Variants in ARID5A observed in about 807,000 individuals in gnomAD.
ARID5A encodes AT-rich interactive domain-containing protein 5A.
Under a neutral mutation model 30.5 loss-of-function variants are expected in ARID5A, and 14 were observed. That is an observed-to-expected ratio of 0.46 (90% CI 0.30 to 0.72). The LOEUF is 0.72. Among genes scored for constraint, ARID5A ranks in the 30% least tolerant of loss-of-function variants. The pLI is 0.07. For synonymous variants in ARID5A, 338 were observed against 340.4 expected (o/e 0.99, Z 0.08); for missense variants, 669 against 786.2 (o/e 0.85, Z 1.78).
rs1370220617 is a variant in ARID5A, at chr2:96,537,016, C to T, written c.4+186C>T. 1.3e-5 allele frequency among the ~76,000 whole-genome samples: 2 copies of T among 152,062 alleles called. No individual in the cohort carries two copies. The highest frequency in any genetic ancestry group is 2.9e-5 in the Non-Finnish European group (2 of 67,998). ...GAGCCCGGCCCGCGGCTTCAGCGCT[C>T]CCCGGCCGGCGCGGAAGGGGTGAGG... On this transcript the variant is annotated intron_variant, in intron 1 of 6. Coordinates refer to ENST00000357485, the MANE Select transcript of ARID5A (RefSeq NM_212481.3). This position sits in a 1 kb window ranked among gnomAD's most constrained non-coding sequence, Gnocchi z 4.8.
Position 96,549,690 on chromosome 2 carries a change from G to A in ARID5A, c.260-63G>A. 3.1e-6 allele frequency: 5 copies of A among 1,606,424 alleles called. 1 individual carries two copies. The South Asian group carries it at 5.5e-5, about 18-fold the overall frequency. The stretch of plus-strand genomic sequence containing the variant: ...CCTGGCCTGTCAGGGCACCAGGAAG[G>A]GGTGGCATGCTGTCCCCACCTCCCA... On this transcript the variant is annotated intron_variant, in intron 3 of 6. Coordinates refer to ENST00000357485, the MANE Select transcript of ARID5A (RefSeq NM_212481.3). This position sits in a 1 kb window ranked among gnomAD's most constrained non-coding sequence, Gnocchi z 6.1.
chr2:96,543,504 CATT>C (rs1160302686), intron 1 of ARID5A, among the ~76,000 whole-genome samples: 2 of 152,176 alleles, frequency 1.3e-5, no homozygotes, highest in East Asian at 1.9e-4. Flanking sequence ...CAAACTTTTT[CATT>C]ATTATATCTG....
chr2:96,540,749 T>C (rs1230130084), intron 1 of ARID5A, among the ~76,000 whole-genome samples: 1 of 152,220 alleles, frequency 6.6e-6, no homozygotes, highest in Non-Finnish European at 1.5e-5. Context: ...GTTTTTTGTT[T>C]GTTTGTTTGT....
At chr2:96,540,594 A>G (rs1000175742) in intron 1 of ARID5A, among the ~76,000 whole-genome samples, 3 of 152,264 alleles carry the variant, frequency 2.0e-5, no homozygotes, top group African/African-American at 7.2e-5. Flanking sequence ...GGGGCTTTTT[A>G]AGAAGGAACT....
Position 96,550,391 on chromosome 2 carries a change from C to A in ARID5A, c.410+106C>A. ...CTCTGCCCGGAGCGGGCAGGGTATG[C>A]GCCGTCCTCAGAGCTGCGGGAGCCC... On this transcript the variant is annotated intron_variant, in intron 5 of 6. Transcript: ENST00000357485. This position sits in a 1 kb window ranked among gnomAD's most constrained non-coding sequence, Gnocchi z 6.6. 1 of 1,432,332 alleles carries A rather than the reference C, an allele frequency of 7.0e-7. No individual in the cohort carries two copies. 88.7% of individuals were successfully genotyped at this position (1,432,332 alleles called of 1,614,324 possible).
chr2:96,536,983 A>T (rs1292838942), intron 1 of ARID5A, among the ~76,000 whole-genome samples, 153 bp downstream of exon 1: 3 of 151,646 alleles, frequency 2.0e-5, no homozygotes. Flanking sequence ...GCGCGGGCCA[A>T]GGGGAGCGAG....
In ARID5A at chr2:96,550,373, C is replaced by G. The variant is rs142129013; in HGVS notation, c.410+88C>G. ...CCGGGAGGGCCGGGTGGACTCTGCC[C>G]GGAGCGGGCAGGGTATGCGCCGTCC... On this transcript the variant is annotated intron_variant, in intron 5 of 6. Transcript: ENST00000357485. This position sits in a 1 kb window ranked among gnomAD's most constrained non-coding sequence, Gnocchi z 6.6. 12 of 1,428,060 alleles carry G rather than the reference C, an allele frequency of 8.4e-6. No individual in the cohort carries two copies. The East Asian group carries it at 2.3e-4, about 28-fold the overall frequency. 88.5% of individuals were successfully genotyped at this position (1,428,060 alleles called of 1,614,324 possible).
chr2:96,544,222 C>T (rs2065888748), intron 1 of ARID5A, among the ~76,000 whole-genome samples: 1 of 152,234 alleles, frequency 6.6e-6, no homozygotes, highest in Non-Finnish European at 1.5e-5. Context: ...GGTGTAGAAG[C>T]TGCAGCAATT....
rs1252707016 is a variant in ARID5A at position 96,537,143 on chromosome 2, C to G, written c.4+313C>G. On this transcript the variant is annotated intron_variant, in intron 1 of 6. Coordinates refer to ENST00000357485, the MANE Select transcript of ARID5A (RefSeq NM_212481.3). This position sits in a 1 kb window ranked among gnomAD's most constrained non-coding sequence, Gnocchi z 4.8. ...CGAAACTCTTTTCGCCGTCTCTTGC[C>G]TGAAATATGCCGAGCCCGGTACGGC... Among the ~76,000 whole-genome samples, 1 of 152,226 alleles carries G rather than the reference C, an allele frequency of 6.6e-6. No individual in the cohort carries two copies. The highest frequency in any genetic ancestry group is 1.5e-5 in the Non-Finnish European group (1 of 68,038).
chr2:96,547,349 C>G (rs2065946489), intron 1 of ARID5A, 53 bp from the exon 2 acceptor site: 1 of 1,494,916 alleles, frequency 6.7e-7, no homozygotes, highest in African/African-American at 1.4e-5. Flanking sequence ...GCTTGCATCT[C>G]ATATGCTCTC....
At chr2:96,543,532 G>T (rs1447213568) in intron 1 of ARID5A, among the ~76,000 whole-genome samples, 1 of 152,030 alleles carries the variant, frequency 6.6e-6, no homozygotes, top group Non-Finnish European at 1.5e-5. Context: ...GGTGATCTGT[G>T]ATCAGTGATC....
At position 96,551,728 on chromosome 2, in the gene ARID5A, T is replaced by C. The variant is rs138657762; in HGVS notation, c.1200T>C (p.His400=). The C allele has an allele frequency of 1.3e-5, 19 of 1,518,562 alleles. No homozygotes were observed. Among genetic ancestry groups the C allele is most frequent in the Non-Finnish European group, 1.7e-5 (19 of 1,135,414 alleles). 94.1% of individuals were successfully genotyped at this position (1,518,562 alleles called of 1,614,324 possible). ...ACGCTAACCGCCCTTCTGCGTTCCA[T>C]AAAGGTGGCTCCAGAAAGGGCATCC... is the stretch of plus-strand genomic sequence containing the variant. ...GGDANRPSAF[H]KGGSRKGILY... The change falls in exon 7 of 7, where the codon CAT becomes CAC. Residue 400 remains histidine (H), a synonymous_variant. Coordinates refer to ENST00000357485, the MANE Select transcript of ARID5A (RefSeq NM_212481.3).
rs1461094186 is a variant in ARID5A at position 96,548,808 on chromosome 2, G to T, written c.121-513G>T. On this transcript the variant is annotated intron_variant, in intron 2 of 6. Transcript: ENST00000357485. The stretch of plus-strand genomic sequence containing the variant: ...AGCTTCACCTCCCTGTGCTCAGCAC[G>T]GCAGGCTGGGGCCACACAGAGGCTC... Among the ~76,000 whole-genome samples, 8 of 152,198 alleles carry T rather than the reference G, an allele frequency of 5.3e-5. No individual in the cohort carries two copies. In the South Asian group the frequency reaches 1.0e-3, roughly 20 times the overall value.
Position 96,549,491 on chromosome 2 carries a change from G to A in ARID5A, c.259+32G>A, listed in dbSNP as rs2065987729. 6.2e-7 allele frequency: 1 copy of A among 1,602,576 alleles called. No homozygotes were observed. The highest frequency in any genetic ancestry group is 1.3e-5 in the African/African-American group (1 of 74,376). ...CCCTGGGGTGCAGGCAGGGAGGGGG[G>A]CCCAGCAGGGGACCCCGCCCAGGCA... On this transcript the variant is annotated intron_variant, in intron 3 of 6. Transcript: ENST00000357485. The surrounding 1 kb of genome is among the most constrained non-coding windows in gnomAD (Gnocchi z 6.1).
At chr2:96,546,849 A>G (rs181595343) in intron 1 of ARID5A, among the ~76,000 whole-genome samples, 1 of 152,354 alleles carries the variant, frequency 6.6e-6, no homozygotes, top group East Asian at 1.9e-4. Context: ...GGCCACAGCC[A>G]TGGGATCCTT....
intron 6 of ARID5A, 96 bp from the exon 7 acceptor site, chr2:96,551,002 CG>C (rs2066028545): frequency 7.2e-7 from 1 of 1,395,080 alleles, no homozygotes; most frequent in Non-Finnish European, 9.8e-7. Context: ...CAGGGGCTGG[CG>C]GGGGACCTGG....
intron 1 of ARID5A, 23 bp from the exon 2 acceptor site, chr2:96,547,379 A>C (rs768348806): frequency 8.8e-6 from 14 of 1,599,874 alleles, no homozygotes; most frequent in Non-Finnish European, 1.1e-5. Flanking sequence ...CTTCCTCCTT[A>C]CTCCTTCCCT....
chr2:96,551,932 G>A lies in ARID5A; in HGVS notation c.1404G>A (p.Glu468=). 6.6e-7 allele frequency: 1 copy of A among 1,524,084 alleles called. No individual in the cohort carries two copies. The highest frequency in any genetic ancestry group is 1.3e-5 in the South Asian group (1 of 77,288). The allele number at this position is 1,524,084 out of a possible 1,614,324, so 94.4% of individuals were successfully genotyped here. Residue 468 remains glutamate, a synonymous_variant, in exon 7 of 7, where the codon GAG becomes GAA. Coordinates refer to ENST00000357485, the MANE Select transcript of ARID5A (RefSeq NM_212481.3). The part of the protein sequence containing the change: ...RLRAVSPFLK[E]ADAKKCGAKP... ...GGGCCGTGTCTCCCTTTCTTAAGGA[G>A]GCGGATGCCAAGAAGTGTGGGGCCA...
intron 1 of ARID5A, among the ~76,000 whole-genome samples, chr2:96,542,197 G>A (rs1173105011): frequency 6.6e-6 from 1 of 152,174 alleles, no homozygotes; most frequent in African/African-American, 2.4e-5. Context: ...AGGGCACCCT[G>A]GAGACCAAGG....
Sources: allele counts gnomAD v4.1 joint callset (sites outside exome capture counted in the v4.1 genomes callset), GRCh38; gene constraint gnomAD v4.1.1; non-coding constraint Gnocchi (gnomAD v3.1); transcripts MANE v1.5; gene names NCBI Gene and HGNC (gene_info 2026-07-23, HGNC 2026-07-21).